The following DBT variants were observed in gnomAD, a reference collection of about 807,000 sequenced individuals.
DBT encodes the protein dihydrolipoamide branched chain transacylase E2.
In DBT, 40 loss-of-function variants were observed where a neutral mutation model predicts 51.3. That is an observed-to-expected ratio of 0.78 (90% CI 0.61 to 1.02). The LOEUF (loss-of-function observed/expected upper bound fraction) is 1.02. DBT is among the 50% of genes least tolerant of loss of function. DBT has a pLI of 0.00. For missense variants in DBT, 510 were observed against 580.2 expected (o/e 0.88, Z 1.24); for synonymous variants, 181 against 190.4 (o/e 0.95, Z 0.41).
rs1210878901 is a variant in DBT, at chr1:100,216,049, T to C, written c.706A>G (p.Thr236Ala). The C allele has an allele frequency of 1.2e-6, 2 of 1,613,766 alleles. No individual in the cohort carries two copies. Among genetic ancestry groups the C allele is most frequent in the South Asian group, 2.2e-5 (2 of 91,084 alleles). ...MPPPPKPKDM[T>A]VPILVSKPPV... ...GGTTTTGATACTAGTATAGGAACAG[T>C]CATGTCTTTTGGCTTTGGTGGAGGT... The change falls in exon 6 of 11, where the codon ACT (threonine) becomes GCT (alanine). Residue 236 changes from threonine (T) to alanine (A), a missense_variant. Physicochemically the swap from Thr to Ala is moderately conservative, Grantham distance 58. Transcript: ENST00000370132.
Position 100,216,091 on chromosome 1 carries a change from T to C in DBT, c.664A>G (p.Lys222Glu), listed in dbSNP as rs1662468073. The C allele has an allele frequency of 1.9e-6, 3 of 1,613,668 alleles. No homozygotes were observed. The highest frequency in any genetic ancestry group is 2.7e-5 in the African/African-American group (2 of 75,012). ...QTGAILPPSP[K>E]VEIMPPPPKP... ...GGTGGAGGTGGCATAATTTCAACTT[T>C]GGGTGAAGGAGGCAATATAGCTCCT... The change falls in exon 6 of 11, where the codon AAA (lysine) becomes GAA (glutamate). Residue 222 changes from lysine to glutamate, a missense_variant. By Grantham distance (56) the Lys-to-Glu change is moderately conservative (BLOSUM62 1). Coordinates refer to ENST00000370132, the MANE Select transcript of DBT (RefSeq NM_001918.5).
rs891521382 is a variant in DBT at position 100,187,295 on chromosome 1, T to A, written c.*8960A>T. The A allele has an allele frequency of 7.2e-5, 11 of 152,324 alleles. No individual in the cohort carries two copies. The highest frequency in any genetic ancestry group is 5.8e-4 in the East Asian group (3 of 5,186). The allele number at this position is 152,324 out of a possible 1,614,324, so 9.4% of individuals were successfully genotyped here. A position where few individuals can be genotyped will look rare whatever the true frequency, so the allele number is the denominator to read the frequency against. On this transcript the variant is annotated 3_prime_UTR_variant, in exon 11 of 11. Transcript: ENST00000370132. ...AACAAAAAACAATACCCCTTCGGTG[T>A]CAAATGATACAGAAATGGCACTGGT...
intron 4 of DBT, among the ~76,000 whole-genome samples, chr1:100,225,041 A>T (rs1406118492): frequency 1.8e-5 from 2 of 110,164 alleles, no homozygotes; most frequent in African/African-American, 3.9e-5. Context: ...AAAAAAAAAA[A>T]AATATATATA....
intron 4 of DBT, among the ~76,000 whole-genome samples, chr1:100,224,783 G>A (rs557010032): frequency 2.0e-5 from 3 of 151,850 alleles, no homozygotes; most frequent in South Asian, 2.1e-4. Flanking sequence ...TTGGGAGGCC[G>A]AGGTGGGCAG....
At chr1:100,213,296 G>A in intron 7 of DBT, 2 of 1,437,544 alleles carry the variant, frequency 1.4e-6, no homozygotes, top group Non-Finnish European at 1.8e-6. Flanking sequence ...GGCCGCCATG[G>A]ACCACAAGAC....
chr1:100,246,801 C>T (rs752560316), intron 1 of DBT, among the ~76,000 whole-genome samples: 4 of 152,042 alleles, frequency 2.6e-5, no homozygotes, highest in Non-Finnish European at 5.9e-5. Flanking sequence ...ACAAGTAAAC[C>T]GGTGATTATA....
chr1:100,195,102 C>G lies in DBT; in HGVS notation c.*1153G>C, dbSNP rs1256396606. Reference sequence around the variant, plus strand: ...TTCTCCTCTTATTTACATTCTTACCCAGGATATGGAGAATGGAATAGACCT... The same window carrying G: ...TTCTCCTCTTATTTACATTCTTACCGAGGATATGGAGAATGGAATAGACCT... On this transcript the variant is annotated 3_prime_UTR_variant, in exon 11 of 11. Transcript: ENST00000370132. 1 of 152,484 alleles carries G rather than the reference C, an allele frequency of 6.6e-6. No homozygotes were observed. The highest frequency in any genetic ancestry group is 1.5e-5 in the Non-Finnish European group (1 of 68,018). 9.4% of individuals were successfully genotyped at this position (152,484 alleles called of 1,614,324 possible). A position where few individuals can be genotyped will look rare whatever the true frequency, so the allele number is the denominator to read the frequency against.
Position 100,188,422 on chromosome 1 carries a change from T to C in DBT, c.*7833A>G, listed in dbSNP as rs1208608713. 1 of 152,230 alleles carries C rather than the reference T, an allele frequency of 6.6e-6. No homozygotes were observed. The highest frequency in any genetic ancestry group is 1.5e-5 in the Non-Finnish European group (1 of 68,042). 9.4% of individuals were successfully genotyped at this position (152,230 alleles called of 1,614,324 possible). On this transcript the variant is annotated 3_prime_UTR_variant, in exon 11 of 11. Transcript: ENST00000370132. ...CAGACTTTATGATCTTTTTGGACTT[T>C]ACTTTTTAGCACATCTTAGGAACTA...
chr1:100,212,795 T>C (rs934682112), intron 7 of DBT, among the ~76,000 whole-genome samples: 2 of 152,148 alleles, frequency 1.3e-5, no homozygotes, highest in African/African-American at 4.8e-5. Flanking sequence ...AATTGTGTAT[T>C]CCAGCAATTA....
chr1:100,231,074 T>C (rs1663532237), intron 3 of DBT, among the ~76,000 whole-genome samples, 160 bp from the exon 4 acceptor site: 1 of 152,210 alleles, frequency 6.6e-6, no homozygotes, highest in African/African-American at 2.4e-5. Context: ...CTATAATGAC[T>C]TTCAGAGTCT....
Position 100,234,431 on chromosome 1 carries a change from T to C in DBT, c.251+1005A>G, listed in dbSNP as rs74788929. 8.8e-3 allele frequency among the ~76,000 whole-genome samples: 1,330 copies of C among 150,884 alleles called. 8 individuals are homozygous for C. The highest frequency in any genetic ancestry group is 0.013 in the Non-Finnish European group (849 of 67,726). On this transcript the variant is annotated intron_variant, in intron 3 of 10. Coordinates refer to ENST00000370132, the MANE Select transcript of DBT (RefSeq NM_001918.5). ...TGGGAAGATCACTTGAGGCCAAGAG[T>C]TCAAGACCAGTATGGTCAACATAGT...
In DBT at chr1:100,190,478, T is replaced by C. The variant is rs1037853248; in HGVS notation, c.*5777A>G. On this transcript the variant is annotated 3_prime_UTR_variant, in exon 11 of 11. Transcript: ENST00000370132. ...TAACATTACCCTGCCACAATGAAAT[T>C]TGTAGAGGTCTGGGATCAGTCTCTA... 5 of 152,146 alleles carry C rather than the reference T, an allele frequency of 3.3e-5. No individual in the cohort carries two copies. Among genetic ancestry groups the C allele is most frequent in the African/African-American group, 9.7e-5 (4 of 41,406 alleles). 9.4% of individuals were successfully genotyped at this position (152,146 alleles called of 1,614,324 possible). A position where few individuals can be genotyped will look rare whatever the true frequency, so the allele number is the denominator to read the frequency against.
chr1:100,248,957 G>T, intron 1 of DBT: 1 of 289,862 alleles, frequency 3.4e-6, no homozygotes, highest in Non-Finnish European at 5.2e-6. Context: ...CCACCACAAG[G>T]TTGTAATCTC....
intron 4 of DBT, among the ~76,000 whole-genome samples, chr1:100,225,048 T>TGTAA (rs1663100111): frequency 3.2e-5 from 2 of 63,444 alleles, no homozygotes; most frequent in Admixed American, 1.8e-4. Context: ...AAAAAATATA[T>TGTAA]ATATACACAC....
At chr1:100,224,232 A>G (rs778840397) in intron 4 of DBT, among the ~76,000 whole-genome samples, 11 of 152,212 alleles carry the variant, frequency 7.2e-5, no homozygotes, top group Non-Finnish European at 1.5e-4. Context: ...ATACTTCTAG[A>G]AGACTTTGTG....
At chr1:100,199,634 C>A (rs999707808) in intron 10 of DBT, among the ~76,000 whole-genome samples, 2 of 152,240 alleles carry the variant, frequency 1.3e-5, no homozygotes, top group African/African-American at 4.8e-5. Context: ...CAGCTCCGGT[C>A]TGCAGCTCCC....
intron 10 of DBT, among the ~76,000 whole-genome samples, chr1:100,197,301 G>C (rs538747241): frequency 2.0e-5 from 3 of 152,300 alleles, no homozygotes; most frequent in African/African-American, 7.2e-5. Context: ...GTAGGCCACT[G>C]CAACTACTTG....
chr1:100,199,371 T>C (rs1396600800), intron 10 of DBT, among the ~76,000 whole-genome samples: 2 of 152,208 alleles, frequency 1.3e-5, no homozygotes, highest in Admixed American at 1.3e-4. Flanking sequence ...AATAACATTT[T>C]CAATTGGTTT....
At chr1:100,229,166 T>A (rs1663382250) in intron 4 of DBT, among the ~76,000 whole-genome samples, 1 of 151,998 alleles carries the variant, frequency 6.6e-6, no homozygotes, top group Non-Finnish European at 1.5e-5. Context: ...CCAACCTTTC[T>A]TTTTTTTCCT....
Sources: allele counts gnomAD v4.1 joint callset (sites outside exome capture counted in the v4.1 genomes callset), GRCh38; gene constraint gnomAD v4.1.1; transcripts MANE v1.5; gene names NCBI Gene and HGNC (gene_info 2026-07-23, HGNC 2026-07-21).